UBR2: variants seen among roughly 807,000 people sequenced by gnomAD.
UBR2 encodes the protein ubiquitin protein ligase E3 component n-recognin 2.
In UBR2, 92 loss-of-function variants were observed where a neutral mutation model predicts 247.9. The observed-to-expected ratio is 0.37, with a 90% CI of 0.31 to 0.44. UBR2 has a LOEUF of 0.44. Among genes scored for constraint, UBR2 ranks in the 20% least tolerant of loss-of-function variants. The probability of loss-of-function intolerance (pLI) is 1.00; values close to 1 mark genes in which losing one functional copy is unlikely to be tolerated. For missense variants in UBR2, 1,613 were observed against 2,112.6 expected (o/e 0.76, Z 4.64); for synonymous variants, 672 against 693.5 (o/e 0.97, Z 0.49).
At chr6:42,602,197 T>TC (rs1038365193) in intron 4 of UBR2, among the ~76,000 whole-genome samples, 3 of 151,452 alleles carry the variant, frequency 2.0e-5, no homozygotes, top group South Asian at 2.1e-4. Flanking sequence ...CTTTTTTTTT[T>TC]TTCTTCTTTT....
At chr6:42,670,385 G>C (rs1179569877) in intron 35 of UBR2, 145 bp downstream of exon 35, 4 of 1,081,492 alleles carry the variant, frequency 3.7e-6, no homozygotes, top group Non-Finnish European at 3.9e-6. Context: ...GAAATGTAAT[G>C]TACTGACAAA....
In UBR2 at chr6:42,632,726, A is replaced by G. The variant is rs1795824420; in HGVS notation, c.1445+11A>G. Reference sequence around the variant, plus strand: ...TATTTTAGATCTCAAGTAAGTTTTCATTTAATTATTAAACCAGTTGCAATT... The same window carrying G: ...TATTTTAGATCTCAAGTAAGTTTTCGTTTAATTATTAAACCAGTTGCAATT... On this transcript the variant is annotated intron_variant, in intron 12 of 46. Transcript: ENST00000372901. 6.3e-7 allele frequency: 1 copy of G among 1,590,136 alleles called. No individual in the cohort carries two copies. Among genetic ancestry groups the G allele is most frequent in the Non-Finnish European group, 8.5e-7 (1 of 1,171,654 alleles).
chr6:42,592,968 A>T (rs767815007), intron 3 of UBR2, among the ~76,000 whole-genome samples: 12 of 152,018 alleles, frequency 7.9e-5, no homozygotes, highest in Non-Finnish European at 1.3e-4. Context: ...AGGTCAGGAG[A>T]TCAACACCAT....
chr6:42,586,822 CTTT>C (rs34530579), intron 2 of UBR2, among the ~76,000 whole-genome samples: 6 of 123,902 alleles, frequency 4.8e-5, no homozygotes, highest in Non-Finnish European at 9.7e-5. Context: ...CACCTATAAA[CTTT>C]TTTTTTTTTT....
At chr6:42,610,259 C>T (rs73440646) in intron 7 of UBR2, among the ~76,000 whole-genome samples, 3,559 of 152,278 alleles carry the variant, frequency 0.023, 125 homozygotes, top group African/African-American at 0.08. Flanking sequence ...GGTATAGCCA[C>T]TGTGGGAAAC....
intron 8 of UBR2, among the ~76,000 whole-genome samples, chr6:42,613,213 C>G (rs992154809): frequency 8.6e-5 from 13 of 152,044 alleles, no homozygotes; most frequent in African/African-American, 2.7e-4. Context: ...GTGTGTAACA[C>G]TAAAGGGTAA....
rs1799636770 is a variant in UBR2 at position 42,689,584 on chromosome 6, G to C, written c.5040G>C (p.Gln1680His). Reference protein sequence around the residue: ...VGIFLRVRECQVLFLAGKTKG... With the variant: ...VGIFLRVRECHVLFLAGKTKG... ...CTCTCTACAGAGTACGGGAATGTCA[G>C]GTGCTATTTTTAGCTGGCAAAACCA... The change falls in exon 46 of 47, where the codon CAG (glutamine) becomes CAC (histidine). Residue 1680 changes from glutamine (Q) to histidine (H), a missense_variant. Coordinates refer to ENST00000372901, the MANE Select transcript of UBR2 (RefSeq NM_001363705.2). This position sits in a 1 kb window ranked among gnomAD's most constrained non-coding sequence, Gnocchi z 4.0. 6.2e-7 allele frequency: 1 copy of C among 1,614,094 alleles called. No individual in the cohort carries two copies. The highest frequency in any genetic ancestry group is 1.3e-5 in the African/African-American group (1 of 75,036).
At chr6:42,594,966 T>C (rs926475359) in intron 4 of UBR2, among the ~76,000 whole-genome samples, 1 of 152,216 alleles carries the variant, frequency 6.6e-6, no homozygotes, top group Admixed American at 6.5e-5. Context: ...AATGATTAAA[T>C]CTTTCAATGG....
chr6:42,605,925 T>A, intron 6 of UBR2, 66 bp downstream of exon 6: 1 of 1,365,348 alleles, frequency 7.3e-7, no homozygotes, highest in Non-Finnish European at 1.0e-6. Flanking sequence ...TATAGGTAAC[T>A]GGAGAATTGA....
chr6:42,650,218 A>G lies in UBR2; in HGVS notation c.2463-66A>G, dbSNP rs569985459. On this transcript the variant is annotated intron_variant, in intron 22 of 46. Coordinates refer to ENST00000372901, the MANE Select transcript of UBR2 (RefSeq NM_001363705.2). ...GCTCTGCTTTCTTGTTCTAATATCC[A>G]AGACTATCTCTCATAAATTAGTGTA... 5.1e-5 allele frequency: 68 copies of G among 1,329,760 alleles called. No individual in the cohort carries two copies. The Middle Eastern group carries it at 1.7e-3, about 33-fold the overall frequency. 82.4% of individuals were successfully genotyped at this position (1,329,760 alleles called of 1,614,324 possible). A position where few individuals can be genotyped will look rare whatever the true frequency, so the allele number is the denominator to read the frequency against.
chr6:42,579,301 ACT>A (rs1463818820), intron 2 of UBR2, among the ~76,000 whole-genome samples: 1 of 151,502 alleles, frequency 6.6e-6, no homozygotes, highest in Admixed American at 6.6e-5. Flanking sequence ...GCTCACAAAA[ACT>A]CTCTATTGGG....
intron 25 of UBR2, 33 bp downstream of exon 25, chr6:42,652,678 AG>A: frequency 6.4e-7 from 1 of 1,563,890 alleles, no homozygotes; most frequent in Non-Finnish European, 8.6e-7. Context: ...TTTATATTTT[AG>A]TATTTTATAG....
At chr6:42,674,846 G>C (rs1015963748) in intron 38 of UBR2, among the ~76,000 whole-genome samples, 8 of 151,764 alleles carry the variant, frequency 5.3e-5, no homozygotes, top group African/African-American at 1.9e-4. Context: ...ATACAGCCCT[G>C]TGGTCACACT....
At chr6:42,624,698 G>A (rs551165084) in intron 11 of UBR2, among the ~76,000 whole-genome samples, 258 of 152,232 alleles carry the variant, frequency 1.7e-3, no homozygotes, top group African/African-American at 5.6e-3. Context: ...AGCATCATTA[G>A]GGTGTGTGCT....
intron 4 of UBR2, among the ~76,000 whole-genome samples, chr6:42,595,895 A>T (rs917562871): frequency 6.6e-6 from 1 of 151,880 alleles, no homozygotes; most frequent in Non-Finnish European, 1.5e-5. Flanking sequence ...GTAATTTGCT[A>T]CAGTAAGATG....
At chr6:42,679,439 C>A (rs1041142616) in intron 41 of UBR2, among the ~76,000 whole-genome samples, 4 of 152,266 alleles carry the variant, frequency 2.6e-5, no homozygotes, top group African/African-American at 9.6e-5. Context: ...TTCACAATAA[C>A]CCTGTGCAGT....
chr6:42,661,769 A>AT (rs1192160591), intron 30 of UBR2, among the ~76,000 whole-genome samples: 6 of 152,142 alleles, frequency 3.9e-5, no homozygotes, highest in Admixed American at 2.6e-4. Context: ...CTGCCAAAAC[A>AT]TTTTTTATTA....
At chr6:42,673,729 CATTCCTGAA>C in intron 36 of UBR2, 53 bp from the exon 37 acceptor site, 1 of 1,221,382 alleles carries the variant, frequency 8.2e-7, no homozygotes. Flanking sequence ...TCTGAACTAG[CATTCCTGAA>C]AGAGAACTGC....
In UBR2 at chr6:42,598,510, G is replaced by A. The variant is rs142731127; in HGVS notation, c.531+4206G>A. On this transcript the variant is annotated intron_variant, in intron 4 of 46. Coordinates refer to ENST00000372901, the MANE Select transcript of UBR2 (RefSeq NM_001363705.2). Reference sequence around the variant, plus strand: ...AGTTCCCACTCCCTAGATGTCACTAGCATCTTCCACTACAGTGACAGAAAA... The same window carrying A: ...AGTTCCCACTCCCTAGATGTCACTAACATCTTCCACTACAGTGACAGAAAA... 1.6e-4 allele frequency among the ~76,000 whole-genome samples: 24 copies of A among 152,234 alleles called. No individual in the cohort carries two copies. In the East Asian group the frequency reaches 4.2e-3, roughly 27 times the overall value.
Sources: allele counts gnomAD v4.1 joint callset (sites outside exome capture counted in the v4.1 genomes callset), GRCh38; gene constraint gnomAD v4.1.1; non-coding constraint Gnocchi (gnomAD v3.1); transcripts MANE v1.5; gene names NCBI Gene and HGNC (gene_info 2026-07-23, HGNC 2026-07-21).